The following NELL2 variants were observed in gnomAD, a reference collection of about 807,000 sequenced individuals.
The protein encoded by NELL2 is protein kinase C-binding protein NELL2.
In NELL2, 41 loss-of-function variants were observed where a neutral mutation model predicts 109.6. The ratio of observed to expected loss-of-function variants is 0.37; its 90% confidence interval spans 0.29 to 0.49. The LOEUF (loss-of-function observed/expected upper bound fraction) is 0.49. NELL2 is among the 20% of genes least tolerant of loss of function. The pLI, the probability that NELL2 is intolerant of heterozygous loss-of-function variation, is 0.98. For synonymous variants in NELL2, 355 were observed against 344.7 expected, an observed-to-expected ratio of 1.03 and a Z score of -0.33; for missense variants, 900 against 1,008.3, an observed-to-expected ratio of 0.89 and a Z score of 1.45.
At chr12:44,528,937 A>G (rs528748371) in intron 16 of NELL2, among the ~76,000 whole-genome samples, 85 of 152,334 alleles carry the variant, frequency 5.6e-4, no homozygotes, top group African/African-American at 1.9e-3. Flanking sequence ...TATTTTAGAA[A>G]TGGTAAGAAG....
intron 12 of NELL2, among the ~76,000 whole-genome samples, chr12:44,685,672 T>C (rs1010355733): frequency 3.3e-5 from 5 of 152,200 alleles, no homozygotes; most frequent in Admixed American, 1.3e-4. Flanking sequence ...CCTTCACTTA[T>C]GAAGCTTAGT....
intron 12 of NELL2, among the ~76,000 whole-genome samples, chr12:44,671,469 A>G (rs967442739): frequency 1.3e-5 from 2 of 152,160 alleles, no homozygotes; most frequent in East Asian, 1.9e-4. Flanking sequence ...AGACTATCAG[A>G]CAATACAAAG....
intron 1 of NELL2, among the ~76,000 whole-genome samples, chr12:44,885,729 A>C (rs1296359827): frequency 1.3e-5 from 2 of 151,940 alleles, no homozygotes. Context: ...AGATTCAAGA[A>C]AATCTCAATA....
intron 9 of NELL2, among the ~76,000 whole-genome samples, chr12:44,740,391 A>G (rs1441296517): frequency 1.3e-5 from 2 of 152,208 alleles, no homozygotes; most frequent in Admixed American, 1.3e-4. Context: ...GCAGAGGTAG[A>G]ACCCTGGCAT....
chr12:44,761,970 T>G (rs1941145509), intron 9 of NELL2, among the ~76,000 whole-genome samples: 1 of 152,184 alleles, frequency 6.6e-6, no homozygotes, highest in South Asian at 2.1e-4. Context: ...AAGCTGAAAC[T>G]TCAGCATTAT....
chr12:44,746,412 C>T (rs1449337234), intron 9 of NELL2, among the ~76,000 whole-genome samples: 2 of 152,010 alleles, frequency 1.3e-5, no homozygotes, highest in African/African-American at 2.4e-5. Context: ...TCTAAAACAC[C>T]AAAAGCAATG....
intron 13 of NELL2, among the ~76,000 whole-genome samples, chr12:44,654,367 T>C (rs1270403044): frequency 6.6e-6 from 1 of 152,196 alleles, no homozygotes. Flanking sequence ...ACAGTTTATC[T>C]GTACTTGGCT....
chr12:44,510,746 C>T (rs566598767), intron 19 of NELL2, among the ~76,000 whole-genome samples: 6 of 152,134 alleles, frequency 3.9e-5, no homozygotes, highest in Non-Finnish European at 8.8e-5. Context: ...TAACATATTC[C>T]TAGAGACAGA....
chr12:44,866,443 A>G (rs1013559200), intron 2 of NELL2, among the ~76,000 whole-genome samples: 4 of 152,200 alleles, frequency 2.6e-5, no homozygotes, highest in Non-Finnish European at 5.9e-5. Context: ...ATGAGAATGG[A>G]CACAACATAC....
chr12:44,693,183 T>C (rs866185632), intron 12 of NELL2, among the ~76,000 whole-genome samples: 7 of 152,202 alleles, frequency 4.6e-5, no homozygotes, highest in South Asian at 4.1e-4. Flanking sequence ...TCAGCAGCCA[T>C]CAACATTGAG....
intron 9 of NELL2, among the ~76,000 whole-genome samples, chr12:44,773,630 G>C (rs1592504727): frequency 6.6e-6 from 1 of 152,036 alleles, no homozygotes; most frequent in Admixed American, 6.5e-5. Context: ...CTTTTATTAA[G>C]AGAAGTCCTA....
At chr12:44,664,379 T>C (rs954165251) in intron 13 of NELL2, among the ~76,000 whole-genome samples, 1 of 152,088 alleles carries the variant, frequency 6.6e-6, no homozygotes, top group Non-Finnish European at 1.5e-5. Context: ...GGGAAGTCAC[T>C]TCTCATTCTT....
chr12:44,610,241 CA>C (rs34987677), intron 14 of NELL2, among the ~76,000 whole-genome samples: 40,991 of 113,692 alleles, frequency 0.36, 6,450 homozygotes, highest in African/African-American at 0.52. Context: ...CACAAGAGAG[CA>C]AAAAAAAAAA....
chr12:44,873,950 C>T (rs1430401929), intron 2 of NELL2, among the ~76,000 whole-genome samples: 1 of 152,106 alleles, frequency 6.6e-6, no homozygotes, highest in Admixed American at 6.5e-5. Flanking sequence ...TTAACTTAAA[C>T]ATAAAATTTA....
At chr12:44,735,354 C>T (rs928476838) in intron 9 of NELL2, among the ~76,000 whole-genome samples, 4 of 152,000 alleles carry the variant, frequency 2.6e-5, no homozygotes, top group Non-Finnish European at 4.4e-5. Flanking sequence ...ATAGATTTCT[C>T]CAGGAAGAAT....
chr12:44,777,046 G>A lies in NELL2; in HGVS notation c.758C>T (p.Ala253Val). Residue 253 changes from alanine to valine, a missense_variant, in exon 7 of 20, where the codon GCC (alanine) becomes GTC (valine). By Grantham distance (64) the Ala-to-Val change is moderately conservative (BLOSUM62 0). Around this residue, in one of 4 missense-constraint regions of NELL2, gnomAD observed 75 missense variants for 118.9 expected, o/e 0.63. Coordinates refer to ENST00000429094, the MANE Select transcript of NELL2 (RefSeq NM_001145108.2). ...GTATTCTTGAGTAGCTTTTACCTTGGCTGATGTTTTGGCTAAAATATCCTG... is the reference window on the plus strand; with the variant it reads ...GTATTCTTGAGTAGCTTTTACCTTGACTGATGTTTTGGCTAAAATATCCTG... Reference protein sequence around the residue: ...ELQDILAKTSAKLSRAEQRMN... With the variant: ...ELQDILAKTSVKLSRAEQRMN... 2 of 1,613,670 alleles carry A rather than the reference G, an allele frequency of 1.2e-6. No individual in the cohort carries two copies. Among genetic ancestry groups the A allele is most frequent in the Non-Finnish European group, 1.7e-6 (2 of 1,179,660 alleles).
chr12:44,742,498 T>A (rs2136502352), intron 9 of NELL2, among the ~76,000 whole-genome samples: 1 of 152,230 alleles, frequency 6.6e-6, no homozygotes, highest in Middle Eastern at 3.4e-3. Flanking sequence ...CTTCAGACGA[T>A]CAAACTACTC....
At chr12:44,717,131 A>G (rs533808180) in intron 9 of NELL2, among the ~76,000 whole-genome samples, 5 of 152,164 alleles carry the variant, frequency 3.3e-5, no homozygotes, top group African/African-American at 9.7e-5. Flanking sequence ...GTAATTCTCC[A>G]TAAGTCTAAT....
At chr12:44,896,219 A>T (rs1399530651) in intron 1 of NELL2, among the ~76,000 whole-genome samples, 1 of 152,158 alleles carries the variant, frequency 6.6e-6, no homozygotes, top group East Asian at 1.9e-4. Flanking sequence ...CAACTAAGCA[A>T]TTTTTGGTGG....
Sources: gnomAD v4.1 joint callset for allele counts (sites outside exome capture counted in the v4.1 genomes callset) on GRCh38, gnomAD v4.1.1 for gene constraint, gnomAD v4.1.1 regional missense constraint, MANE v1.5 for transcripts, NCBI Gene and HGNC (gene_info 2026-07-23, HGNC 2026-07-21) for gene names.